SDR42E1: variants seen among roughly 807,000 people sequenced by gnomAD.
SDR42E1 encodes short-chain dehydrogenase/reductase family 42E member 1.
Under a neutral mutation model 2.6 loss-of-function variants are expected in SDR42E1, and 5 were observed. The observed-to-expected ratio is 1.94, with a 90% confidence interval of 1.01 to 4.08. The LOEUF (loss-of-function observed/expected upper bound fraction) is 4.08. Among genes scored for constraint, SDR42E1 ranks in the 30% most tolerant of loss-of-function variants. The probability of loss-of-function intolerance (pLI) is 0.00; values close to 1 mark genes in which losing one functional copy is unlikely to be tolerated. For synonymous variants in SDR42E1, 231 were observed against 188.3 expected (o/e 1.23, Z -1.86); for missense variants, 596 against 478.6 (o/e 1.25, Z -2.29).
intron 1 of SDR42E1, among the ~76,000 whole-genome samples, chr16:82,005,330 C>CG (rs538286125): frequency 2.6e-5 from 4 of 151,998 alleles, no homozygotes; most frequent in African/African-American, 4.8e-5. Flanking sequence ...CTGACCTGAT[C>CG]GGGGGGGTCA....
chr16:81,997,264 G>A lies in SDR42E1; in HGVS notation c.*1847C>T, dbSNP rs1359340974. ...CAGAAAAAGCTTTGTAGCTGGAAAT[G>A]TGGGCAACGTTTCATGGAAAAGGAA... On this transcript the variant is annotated 3_prime_UTR_variant, in exon 3 of 3. Transcript: ENST00000328945. 1 of 152,250 alleles carries A rather than the reference G, an allele frequency of 6.6e-6. No homozygotes were observed. The highest frequency in any genetic ancestry group is 1.5e-5 in the Non-Finnish European group (1 of 68,062). 9.4% of individuals were successfully genotyped at this position (152,250 alleles called of 1,614,324 possible). A position where few individuals can be genotyped will look rare whatever the true frequency, so the allele number is the denominator to read the frequency against.
At position 81,991,883 on chromosome 16, in the gene SDR42E1, C is replaced by T. The variant is rs1048920603; in HGVS notation, c.*7228G>A. ...AATAAATTGATCTGTTTCTTAAAGACATTAAGAAAGCTAAATAAGCCTAAG... is the reference window on the plus strand; with the variant it reads ...AATAAATTGATCTGTTTCTTAAAGATATTAAGAAAGCTAAATAAGCCTAAG... On this transcript the variant is annotated 3_prime_UTR_variant, in exon 3 of 3. Coordinates refer to ENST00000328945, the MANE Select transcript of SDR42E1 (RefSeq NM_145168.3). The T allele has an allele frequency of 6.6e-6, 1 of 152,098 alleles. No homozygotes were observed. Among genetic ancestry groups the T allele is most frequent in the African/African-American group, 2.4e-5 (1 of 41,396 alleles). The allele number at this position is 152,098 out of a possible 1,614,324, so 9.4% of individuals were successfully genotyped here.
At position 81,991,492 on chromosome 16, in the gene SDR42E1, G is replaced by C. The variant is rs1017848873; in HGVS notation, c.*7619C>G. ...AGCACTTTGGGAGGCCGAGGCAAGA[G>C]GATTGCTTGGGGCAAGGAATTCAAG... is the stretch of plus-strand genomic sequence containing the variant. On this transcript the variant is annotated 3_prime_UTR_variant, in exon 3 of 3. Transcript: ENST00000328945. 4 of 152,144 alleles carry C rather than the reference G, an allele frequency of 2.6e-5. No individual in the cohort carries two copies. Among genetic ancestry groups the C allele is most frequent in the African/African-American group, 9.7e-5 (4 of 41,404 alleles). 9.4% of individuals were successfully genotyped at this position (152,144 alleles called of 1,614,324 possible). A position where few individuals can be genotyped will look rare whatever the true frequency, so the allele number is the denominator to read the frequency against.
At chr16:82,008,513 A>C (rs1913022573) in intron 1 of SDR42E1, among the ~76,000 whole-genome samples, 1 of 152,218 alleles carries the variant, frequency 6.6e-6, no homozygotes, top group Non-Finnish European at 1.5e-5. Context: ...CTCAGAGATG[A>C]GGAACTTGTT....
intron 1 of SDR42E1, among the ~76,000 whole-genome samples, chr16:82,008,429 C>T (rs1913019305): frequency 6.6e-6 from 1 of 152,194 alleles, no homozygotes; most frequent in Non-Finnish European, 1.5e-5. Context: ...TTTGGAACTT[C>T]CTAGAGACTT....
At chr16:82,002,495 TG>T (rs1912801817) in intron 1 of SDR42E1, among the ~76,000 whole-genome samples, 1 of 152,216 alleles carries the variant, frequency 6.6e-6, no homozygotes. Flanking sequence ...AAGTGCTTTA[TG>T]TGTATGTTAG....
At chr16:82,000,677 T>C (rs1016018942) in intron 2 of SDR42E1, 114 bp downstream of exon 2, 9 of 775,838 alleles carry the variant, frequency 1.2e-5, no homozygotes, top group African/African-American at 1.7e-5. Context: ...ACACAGATCA[T>C]TTCTGGTTTG....
Position 81,989,558 on chromosome 16 carries a change from C to G in SDR42E1, c.*9553G>C, listed in dbSNP as rs148157529. On this transcript the variant is annotated 3_prime_UTR_variant, in exon 3 of 3. Transcript: ENST00000328945. The stretch of plus-strand genomic sequence containing the variant: ...GGCTTTCTAGCCCCACAATTTAAAA[C>G]CAACACACACCGCTATGGGTGTTTA... 1.5e-3 allele frequency: 221 copies of G among 152,328 alleles called. No individual in the cohort carries two copies. The highest frequency in any genetic ancestry group is 5.0e-3 in the African/African-American group (208 of 41,580). The allele number at this position is 152,328 out of a possible 1,614,324, so 9.4% of individuals were successfully genotyped here. A position where few individuals can be genotyped will look rare whatever the true frequency, so the allele number is the denominator to read the frequency against.
At position 81,999,607 on chromosome 16, in the gene SDR42E1, AC is replaced by A; in HGVS notation, c.685del (p.Val229CysfsTer11). 6.2e-7 allele frequency: 1 copy of A among 1,614,140 alleles called. No homozygotes were observed. The highest frequency in any genetic ancestry group is 8.5e-7 in the Non-Finnish European group (1 of 1,180,026). On this transcript the variant is annotated frameshift_variant, in exon 3 of 3. Transcript: ENST00000328945. LOFTEE classifies it low-confidence loss of function (END_TRUNC). ...TTCTGAGGCCAGAATGTGAGCCTGC[AC>A]CAAGTTATCCACGTGGACAAACTCA... The part of the protein sequence containing the change: ...LVEFVHVDNL[V>X]QAHILASEAL...
At position 81,992,334 on chromosome 16, in the gene SDR42E1, C is replaced by A. The variant is rs753010938; in HGVS notation, c.*6777G>T. 1 of 152,242 alleles carries A rather than the reference C, an allele frequency of 6.6e-6. No homozygotes were observed. The highest frequency in any genetic ancestry group is 2.4e-5 in the African/African-American group (1 of 41,536). 9.4% of individuals were successfully genotyped at this position (152,242 alleles called of 1,614,324 possible). A position where few individuals can be genotyped will look rare whatever the true frequency, so the allele number is the denominator to read the frequency against. ...GAAGCTAAATCCCCTATGAAAGGCACAGGACTATAAATCAGTGGAGTGGGG... is the reference window on the plus strand; with the variant it reads ...GAAGCTAAATCCCCTATGAAAGGCAAAGGACTATAAATCAGTGGAGTGGGG... On this transcript the variant is annotated 3_prime_UTR_variant, in exon 3 of 3. Transcript: ENST00000328945.
At chr16:82,002,354 C>G (rs191514686) in intron 1 of SDR42E1, among the ~76,000 whole-genome samples, 18 of 152,266 alleles carry the variant, frequency 1.2e-4, no homozygotes, top group Admixed American at 5.9e-4. Flanking sequence ...TTTCACTTTT[C>G]TCTTCTGTCT....
rs536296854 is a variant in SDR42E1, at chr16:81,993,463, C to T, written c.*5648G>A. ...CATTGGTTCTGATCATTCCCCTGCC[C>T]CCGTGCTTTTCTGGTTGTTACAGTG... On this transcript the variant is annotated 3_prime_UTR_variant, in exon 3 of 3. Transcript: ENST00000328945. The T allele has an allele frequency of 2.0e-5, 3 of 152,260 alleles. No homozygotes were observed. The highest frequency in any genetic ancestry group is 1.9e-4 in the East Asian group (1 of 5,176). 9.4% of individuals were successfully genotyped at this position (152,260 alleles called of 1,614,324 possible). A position where few individuals can be genotyped will look rare whatever the true frequency, so the allele number is the denominator to read the frequency against.
Position 81,999,123 on chromosome 16 carries a change from A to C in SDR42E1, c.1170T>G (p.Ile390Met), listed in dbSNP as rs376368224. 1 of 1,613,628 alleles carries C rather than the reference A, an allele frequency of 6.2e-7. No individual in the cohort carries two copies. The highest frequency in any genetic ancestry group is 1.1e-5 in the South Asian group (1 of 90,936). Residue 390 changes from isoleucine (I) to methionine (M), a missense_variant, in exon 3 of 3, where the codon ATT becomes ATG. Coordinates refer to ENST00000328945, the MANE Select transcript of SDR42E1 (RefSeq NM_145168.3). Reference sequence around the variant, plus strand: ...TCTGGCCCCTCCTTCACAGTGACAGAATCACAGAAGAAGGCAGCCACATGA... The same window carrying C: ...TCTGGCCCCTCCTTCACAGTGACAGCATCACAGAAGAAGGCAGCCACATGA... ...AVLMWLPSSV[I>M]LSL
intron 1 of SDR42E1, among the ~76,000 whole-genome samples, chr16:82,005,437 A>G (rs1384640830): frequency 6.6e-6 from 1 of 152,234 alleles, no homozygotes; most frequent in African/African-American, 2.4e-5. Flanking sequence ...GATGGTAGCC[A>G]TCTGCTGCAC....
chr16:81,999,168 G>A lies in SDR42E1; in HGVS notation c.1125C>T (p.Phe375=), dbSNP rs916823490. The A allele has an allele frequency of 6.2e-7, 1 of 1,614,150 alleles. No homozygotes were observed. The highest frequency in any genetic ancestry group is 8.5e-7 in the Non-Finnish European group (1 of 1,180,020). ...ACATGAGAACTGCTATAATCAGGAGGAAGACCAATAGCCCATCCCAAACAA... is the reference window on the plus strand; with the variant it reads ...ACATGAGAACTGCTATAATCAGGAGAAAGACCAATAGCCCATCCCAAACAA... ...ECFVWDGLLV[F]LLIIAVLMWL... is the part of the protein sequence containing the mutation. Residue 375 remains phenylalanine, a synonymous_variant, in exon 3 of 3, where the codon TTC becomes TTT. Transcript: ENST00000328945.
rs933813328 is a variant in SDR42E1, at chr16:81,996,900, C to T, written c.*2211G>A. ...AATACGGCTAACCTGTGTAAACACC[C>T]GAGACTGTGGAAACGACAGTGCATG... On this transcript the variant is annotated 3_prime_UTR_variant, in exon 3 of 3. Coordinates refer to ENST00000328945, the MANE Select transcript of SDR42E1 (RefSeq NM_145168.3). 1.2e-4 allele frequency: 19 copies of T among 152,132 alleles called. No homozygotes were observed. Among genetic ancestry groups the T allele is most frequent in the African/African-American group, 4.6e-4 (19 of 41,434 alleles). The allele number at this position is 152,132 out of a possible 1,614,324, so 9.4% of individuals were successfully genotyped here. A position where few individuals can be genotyped will look rare whatever the true frequency, so the allele number is the denominator to read the frequency against.
At chr16:82,002,241 T>C (rs541824389) in intron 1 of SDR42E1, among the ~76,000 whole-genome samples, 364 of 152,246 alleles carry the variant, frequency 2.4e-3, no homozygotes, top group Non-Finnish European at 3.9e-3. Context: ...TCAGTGTACA[T>C]GCACAAAGAA....
intron 1 of SDR42E1, among the ~76,000 whole-genome samples, chr16:82,005,006 T>C (rs1026205794): frequency 4.6e-5 from 7 of 152,240 alleles, no homozygotes; most frequent in African/African-American, 1.7e-4. Flanking sequence ...GGATGTCAGA[T>C]AACAATTTAA....
At position 81,993,226 on chromosome 16, in the gene SDR42E1, G is replaced by A. The variant is rs1184300941; in HGVS notation, c.*5885C>T. 6.6e-6 allele frequency: 1 copy of A among 152,160 alleles called. No individual in the cohort carries two copies. The highest frequency in any genetic ancestry group is 6.5e-5 in the Admixed American group (1 of 15,274). The allele number at this position is 152,160 out of a possible 1,614,324, so 9.4% of individuals were successfully genotyped here. Reference sequence around the variant, plus strand: ...ACCTGCTGTAGCAAAGCACTGCAAAGGGAAGAGCCAAGCAGAAGTCAGGAG... The same window carrying A: ...ACCTGCTGTAGCAAAGCACTGCAAAAGGAAGAGCCAAGCAGAAGTCAGGAG... On this transcript the variant is annotated 3_prime_UTR_variant, in exon 3 of 3. Transcript: ENST00000328945.
Sources: gnomAD v4.1 joint callset for allele counts (sites outside exome capture counted in the v4.1 genomes callset) on GRCh38, gnomAD v4.1.1 for gene constraint, MANE v1.5 for transcripts, NCBI Gene and HGNC (gene_info 2026-07-23, HGNC 2026-07-21) for gene names.